The following SCFD2 variants were observed in gnomAD, a reference collection of about 807,000 sequenced individuals.
SCFD2 encodes sec1 family domain-containing protein 2.
SCFD2 carries 54 observed loss-of-function variants against 58.9 expected under a neutral mutation model. That is an observed-to-expected ratio of 0.92 (90% confidence interval 0.74 to 1.15). The LOEUF is 1.15. Ranked by LOEUF, SCFD2 falls within the 50% of genes most tolerant of loss-of-function variation. The probability of loss-of-function intolerance (pLI) is 0.00; values close to 1 mark genes in which losing one functional copy is unlikely to be tolerated. For synonymous variants in SCFD2, 321 were observed against 335.9 expected, an observed-to-expected ratio of 0.96 and a Z score of 0.49; for missense variants, 805 against 836.6, an observed-to-expected ratio of 0.96 and a Z score of 0.47.
intron 4 of SCFD2, among the ~76,000 whole-genome samples, chr4:53,209,780 A>G (rs1319835645): frequency 6.6e-6 from 1 of 152,044 alleles, no homozygotes; most frequent in Non-Finnish European, 1.5e-5. Flanking sequence ...TTAAAAAAAA[A>G]AATACAAAAT....
At chr4:53,150,651 A>G (rs552736726) in intron 4 of SCFD2, among the ~76,000 whole-genome samples, 11 of 152,302 alleles carry the variant, frequency 7.2e-5, no homozygotes, top group African/African-American at 2.4e-4. Context: ...GGCTGTACCA[A>G]TTACTAGCTG....
chr4:53,145,702 CT>C, intron 4 of SCFD2, 120 bp from the exon 5 acceptor site: 2 of 901,072 alleles, frequency 2.2e-6, no homozygotes, highest in Non-Finnish European at 3.3e-6. Flanking sequence ...GACTGCATCA[CT>C]TTTTATTTGT....
intron 4 of SCFD2, among the ~76,000 whole-genome samples, chr4:53,154,636 A>G (rs140088311): frequency 2.0e-5 from 3 of 152,316 alleles, no homozygotes; most frequent in African/African-American, 7.2e-5. Flanking sequence ...TGCCAGTGGG[A>G]GCCTGACAGA....
chr4:53,183,395 C>T (rs536985016), intron 4 of SCFD2, among the ~76,000 whole-genome samples: 2,775 of 152,106 alleles, frequency 0.018, 89 homozygotes, highest in African/African-American at 0.063. Context: ...AGCAAACTAT[C>T]GCAAGGACAA....
At chr4:53,139,452 G>A (rs543570920) in intron 5 of SCFD2, among the ~76,000 whole-genome samples, 5 of 128,750 alleles carry the variant, frequency 3.9e-5, no homozygotes, top group Admixed American at 3.1e-4. Flanking sequence ...CTGCCCCGCC[G>A]CCACCCCGTC....
chr4:53,011,091 C>G (rs781026126), intron 5 of SCFD2, among the ~76,000 whole-genome samples: 3 of 152,080 alleles, frequency 2.0e-5, no homozygotes, highest in Non-Finnish European at 2.9e-5. Context: ...CTTTATTTTC[C>G]CCCTAAAAAA....
chr4:53,225,373 T>C (rs1164994515), intron 4 of SCFD2, among the ~76,000 whole-genome samples: 4 of 152,338 alleles, frequency 2.6e-5, no homozygotes, highest in African/African-American at 9.6e-5. Flanking sequence ...TTTTTTCATA[T>C]GCTTATTAGC....
In SCFD2 at chr4:53,344,205, A is replaced by G. The variant is rs369820785; in HGVS notation, c.1007+8393T>C. ...GATTGTATATTTAGAAAACCCCATC[A>G]TCTCAGCCCAAAATCTCCTTAAGCT... On this transcript the variant is annotated intron_variant, in intron 2 of 8. Coordinates refer to ENST00000401642, the MANE Select transcript of SCFD2 (RefSeq NM_152540.4). Among the ~76,000 whole-genome samples, 1,218 of 148,848 alleles carry G rather than the reference A, an allele frequency of 8.2e-3. 27 individuals are homozygous for G. Among genetic ancestry groups the G allele is most frequent in the East Asian group, 0.064 (286 of 4,470 alleles).
At chr4:53,086,427 T>C (rs954588567) in intron 5 of SCFD2, among the ~76,000 whole-genome samples, 1 of 152,184 alleles carries the variant, frequency 6.6e-6, no homozygotes, top group Non-Finnish European at 1.5e-5. Context: ...TATACACTGT[T>C]GGTGGGAATG....
At chr4:53,287,777 CA>C (rs1182170302) in intron 3 of SCFD2, among the ~76,000 whole-genome samples, 7 of 151,832 alleles carry the variant, frequency 4.6e-5, no homozygotes, top group Non-Finnish European at 1.0e-4. Context: ...AAAAGAAATT[CA>C]AAATAGTAAT....
intron 5 of SCFD2, among the ~76,000 whole-genome samples, chr4:53,012,639 C>T (rs575972404): frequency 1.4e-4 from 21 of 152,096 alleles, no homozygotes; most frequent in Admixed American, 1.4e-3. Flanking sequence ...CTTTCTCTAC[C>T]CCATTTCATT....
intron 4 of SCFD2, among the ~76,000 whole-genome samples, chr4:53,229,700 C>T (rs1308733276): frequency 1.3e-5 from 2 of 152,180 alleles, no homozygotes; most frequent in African/African-American, 4.8e-5. Flanking sequence ...CCATTCAGGA[C>T]ATAGGCATGG....
intron 5 of SCFD2, among the ~76,000 whole-genome samples, chr4:53,139,716 G>C (rs1316003492): frequency 6.6e-6 from 1 of 152,246 alleles, no homozygotes; most frequent in African/African-American, 2.4e-5. Flanking sequence ...GTACCCAACA[G>C]CTCATTGAGA....
At chr4:53,064,516 A>G (rs1308799581) in intron 5 of SCFD2, among the ~76,000 whole-genome samples, 1 of 152,146 alleles carries the variant, frequency 6.6e-6, no homozygotes, top group Non-Finnish European at 1.5e-5. Flanking sequence ...TACAGGCAGC[A>G]TTACTTACTT....
intron 3 of SCFD2, among the ~76,000 whole-genome samples, chr4:53,308,945 A>G (rs1344116575): frequency 6.6e-6 from 1 of 152,044 alleles, no homozygotes; most frequent in Non-Finnish European, 1.5e-5. Context: ...CCTGGCCAAC[A>G]TGGTGAAACC....
chr4:53,156,795 G>A (rs1456301695), intron 4 of SCFD2, among the ~76,000 whole-genome samples: 3 of 152,214 alleles, frequency 2.0e-5, no homozygotes, highest in African/African-American at 7.2e-5. Context: ...GACAAAATGG[G>A]AGTATGTATG....
chr4:53,276,806 T>C (rs143302314), intron 3 of SCFD2, among the ~76,000 whole-genome samples: 100 of 152,346 alleles, frequency 6.6e-4, no homozygotes, highest in African/African-American at 2.3e-3. Flanking sequence ...AGAGTTTTAG[T>C]TGCCTTACAA....
At chr4:53,235,402 C>T (rs2149013125) in intron 4 of SCFD2, among the ~76,000 whole-genome samples, 1 of 152,310 alleles carries the variant, frequency 6.6e-6, no homozygotes, top group East Asian at 1.9e-4. Context: ...CAAACTACTC[C>T]AATTCCCATG....
chr4:53,312,101 GAC>G (rs1028724566), intron 3 of SCFD2, among the ~76,000 whole-genome samples: 7 of 152,098 alleles, frequency 4.6e-5, no homozygotes, highest in African/African-American at 1.4e-4. Context: ...AGAAAGGAAA[GAC>G]AATTAATAGT....
Sources: allele counts gnomAD v4.1 joint callset (sites outside exome capture counted in the v4.1 genomes callset), GRCh38; gene constraint gnomAD v4.1.1; transcripts MANE v1.5; gene names NCBI Gene and HGNC (gene_info 2026-07-23, HGNC 2026-07-21).